Variants in ANKH observed in about 807,000 individuals in gnomAD.
The protein encoded by ANKH is mineralization regulator ANKH.
In ANKH, 15 loss-of-function variants were observed where a neutral mutation model predicts 49.0. That is an observed-to-expected ratio of 0.31 (90% CI 0.20 to 0.47). The LOEUF is 0.47. ANKH is among the 20% of genes least tolerant of loss of function. ANKH has a pLI of 1.00. For missense variants in ANKH, 429 were observed against 652.0 expected, an observed-to-expected ratio of 0.66 and a Z score of 3.72; for synonymous variants, 273 against 260.0, an observed-to-expected ratio of 1.05 and a Z score of -0.48.
intron 8 of ANKH, among the ~76,000 whole-genome samples, chr5:14,722,002 G>A (rs1306972319): frequency 6.6e-6 from 1 of 151,478 alleles, no homozygotes; most frequent in African/African-American, 2.4e-5. Context: ...TGCAGGTGAG[G>A]TTTCCCTAGC....
intron 4 of ANKH, among the ~76,000 whole-genome samples, chr5:14,752,893 A>ACC (rs1482445934): frequency 6.6e-6 from 1 of 152,136 alleles, no homozygotes; most frequent in Non-Finnish European, 1.5e-5. Flanking sequence ...AGTAGAAGCC[A>ACC]CCCTCCCAAG....
At chr5:14,840,251 T>C (rs1292867751) in intron 1 of ANKH, among the ~76,000 whole-genome samples, 1 of 152,198 alleles carries the variant, frequency 6.6e-6, no homozygotes, top group Admixed American at 6.5e-5. Context: ...CATAGCACTT[T>C]TTAAGAACAG....
At chr5:14,761,379 G>A (rs1739073133) in intron 2 of ANKH, among the ~76,000 whole-genome samples, 1 of 152,208 alleles carries the variant, frequency 6.6e-6, no homozygotes, top group South Asian at 2.1e-4. Context: ...TGGGGTGGCA[G>A]GAAGATCAGA....
chr5:14,811,108 C>G (rs1013334614), intron 1 of ANKH, among the ~76,000 whole-genome samples: 3 of 152,124 alleles, frequency 2.0e-5, no homozygotes, highest in Admixed American at 2.0e-4. Context: ...CTAAGTTAAC[C>G]TCATTGCCCC....
In ANKH at chr5:14,709,813, C is replaced by T. The variant is rs576801623; in HGVS notation, c.*1384G>A. 8.5e-5 allele frequency: 13 copies of T among 152,546 alleles called. No homozygotes were observed. Among genetic ancestry groups the T allele is most frequent in the South Asian group, 2.1e-4 (1 of 4,808 alleles). The allele number at this position is 152,546 out of a possible 1,614,324, so 9.4% of individuals were successfully genotyped here. ...GTATGTTGAGCACACAAGCAATCACCGTATTGTATTAGAGACATTTTATTG... is the reference window on the plus strand; with the variant it reads ...GTATGTTGAGCACACAAGCAATCACTGTATTGTATTAGAGACATTTTATTG... On this transcript the variant is annotated 3_prime_UTR_variant, in exon 12 of 12. Coordinates refer to ENST00000284268, the MANE Select transcript of ANKH (RefSeq NM_054027.6).
intron 1 of ANKH, among the ~76,000 whole-genome samples, chr5:14,833,711 A>C (rs1741573955): frequency 6.6e-6 from 1 of 152,224 alleles, no homozygotes; most frequent in South Asian, 2.1e-4. Context: ...GAGGGAAGTG[A>C]GCCAAACTGA....
chr5:14,866,276 G>C (rs183883488), intron 1 of ANKH, among the ~76,000 whole-genome samples: 176 of 152,294 alleles, frequency 1.2e-3, no homozygotes, highest in Non-Finnish European at 1.9e-3. Flanking sequence ...AAAGTGCTGG[G>C]ATTACAGGCG....
At chr5:14,798,489 C>T (rs1442606000) in intron 1 of ANKH, 9 of 897,306 alleles carry the variant, frequency 1.0e-5, no homozygotes, top group Non-Finnish European at 1.4e-5. Flanking sequence ...CACGCGGTCT[C>T]TATTTTTTTT....
At chr5:14,772,406 T>G (rs552184898) in intron 1 of ANKH, among the ~76,000 whole-genome samples, 1 of 152,368 alleles carries the variant, frequency 6.6e-6, no homozygotes, top group African/African-American at 2.4e-5. Context: ...TTATCATTTT[T>G]CTGACTCGGT....
At chr5:14,844,206 T>C (rs1315164615) in intron 1 of ANKH, among the ~76,000 whole-genome samples, 1 of 152,196 alleles carries the variant, frequency 6.6e-6, no homozygotes, top group Non-Finnish European at 1.5e-5. Context: ...AGGTTGCAAG[T>C]CTTGGGACAG....
At chr5:14,797,522 T>G in intron 1 of ANKH, 1 of 1,611,260 alleles carries the variant, frequency 6.2e-7, no homozygotes. Flanking sequence ...TCTTGTCAGC[T>G]GATCCTGTGG....
At chr5:14,751,658 T>C (rs1403586353) in intron 4 of ANKH, among the ~76,000 whole-genome samples, 1 of 152,120 alleles carries the variant, frequency 6.6e-6, no homozygotes, top group Non-Finnish European at 1.5e-5. Flanking sequence ...TTTTGTACCA[T>C]TGTGTGAAAC....
At chr5:14,736,166 A>G (rs1738176137) in intron 8 of ANKH, among the ~76,000 whole-genome samples, 1 of 152,032 alleles carries the variant, frequency 6.6e-6, no homozygotes, top group Admixed American at 6.5e-5. Flanking sequence ...TCTCTGCCTC[A>G]AGTGACAGCA....
chr5:14,850,097 A>C (rs1226562850), intron 1 of ANKH, among the ~76,000 whole-genome samples: 1 of 152,216 alleles, frequency 6.6e-6, no homozygotes, highest in Non-Finnish European at 1.5e-5. Flanking sequence ...CAACAAACCC[A>C]AGAATAATTG....
At chr5:14,779,713 T>C (rs1739746739) in intron 1 of ANKH, among the ~76,000 whole-genome samples, 1 of 152,236 alleles carries the variant, frequency 6.6e-6, no homozygotes, top group Non-Finnish European at 1.5e-5. Flanking sequence ...GTAGAATCTA[T>C]GAACTTAAAA....
intron 1 of ANKH, among the ~76,000 whole-genome samples, chr5:14,785,455 C>T (rs917853819): frequency 1.4e-4 from 21 of 152,154 alleles, no homozygotes; most frequent in African/African-American, 4.6e-4. Context: ...TTTGCCTACT[C>T]CCCGTTCACC....
At chr5:14,788,517 C>T (rs1324159456) in intron 1 of ANKH, among the ~76,000 whole-genome samples, 1 of 152,148 alleles carries the variant, frequency 6.6e-6, no homozygotes, top group East Asian at 1.9e-4. Flanking sequence ...GCAAATACAC[C>T]ACACACACTA....
At chr5:14,814,597 C>A (rs995281663) in intron 1 of ANKH, among the ~76,000 whole-genome samples, 1 of 152,196 alleles carries the variant, frequency 6.6e-6, no homozygotes, top group Non-Finnish European at 1.5e-5. Flanking sequence ...TGCAGTGAGA[C>A]CTTGTCTCAA....
intron 8 of ANKH, among the ~76,000 whole-genome samples, chr5:14,718,768 C>T (rs2126420470): frequency 1.3e-5 from 2 of 151,410 alleles, no homozygotes; most frequent in East Asian, 1.9e-4. Flanking sequence ...TGAGATGGTG[C>T]CACTGCACTC....
Sources: gnomAD v4.1 joint callset for allele counts (sites outside exome capture counted in the v4.1 genomes callset) on GRCh38, gnomAD v4.1.1 for gene constraint, MANE v1.5 for transcripts, NCBI Gene and HGNC (gene_info 2026-07-23, HGNC 2026-07-21) for gene names.